The following NKAIN2 variants were observed in gnomAD, a reference collection of about 807,000 sequenced individuals.
NKAIN2 encodes sodium/potassium-transporting ATPase subunit beta-1-interacting protein 2.
In NKAIN2, 14 loss-of-function variants were observed where a neutral mutation model predicts 32.6. The observed-to-expected ratio is 0.43, with a 90% confidence interval of 0.28 to 0.67. NKAIN2 has a LOEUF of 0.67. NKAIN2 is among the 30% of genes least tolerant of loss of function. NKAIN2 has a pLI of 0.17. For missense variants in NKAIN2, 198 were observed against 258.3 expected (o/e 0.77, Z 1.60); for synonymous variants, 80 against 87.2 (o/e 0.92, Z 0.46).
chr6:123,914,237 CAGACAGAGAGACAG>C (rs997300684), intron 1 of NKAIN2, among the ~76,000 whole-genome samples: 19 of 151,082 alleles, frequency 1.3e-4, no homozygotes, highest in Non-Finnish European at 2.5e-4. Flanking sequence ...GACAGACAGA[CAGACAGAGAGACAG>C]AGACAGAGAC....
chr6:124,644,223 GAATA>G (rs1306105294), intron 3 of NKAIN2, among the ~76,000 whole-genome samples: 1 of 151,976 alleles, frequency 6.6e-6, no homozygotes, highest in Non-Finnish European at 1.5e-5. Flanking sequence ...TAGGAGAGAT[GAATA>G]AATAAATTAA....
At chr6:123,845,099 T>C (rs149688166) in intron 1 of NKAIN2, among the ~76,000 whole-genome samples, 51 of 152,320 alleles carry the variant, frequency 3.3e-4, no homozygotes, top group African/African-American at 1.2e-3. Context: ...TTGAGACAAA[T>C]AGATGTTGAA....
chr6:124,308,161 G>A (rs1362188924), intron 2 of NKAIN2, among the ~76,000 whole-genome samples: 1 of 151,040 alleles, frequency 6.6e-6, no homozygotes, highest in Non-Finnish European at 1.5e-5. Flanking sequence ...CCCGCAGCAG[G>A]CCCCAGTGCC....
At chr6:123,986,654 G>A (rs183976226) in intron 1 of NKAIN2, among the ~76,000 whole-genome samples, 77 of 152,168 alleles carry the variant, frequency 5.1e-4, no homozygotes, top group Admixed American at 1.4e-3. Flanking sequence ...ATTACCGCTG[G>A]CATTAGGACC....
intron 3 of NKAIN2, among the ~76,000 whole-genome samples, chr6:124,542,807 G>T (rs896476719): frequency 2.6e-5 from 4 of 151,956 alleles, no homozygotes; most frequent in African/African-American, 9.7e-5. Flanking sequence ...ACTAAAATTT[G>T]CACGTTCAGT....
At chr6:123,839,410 A>G (rs113670931) in intron 1 of NKAIN2, among the ~76,000 whole-genome samples, 1,617 of 152,274 alleles carry the variant, frequency 0.011, 31 homozygotes, top group African/African-American at 0.037. Flanking sequence ...TGATTAGCAG[A>G]CAATCTTTAG....
At chr6:124,505,468 G>A (rs553524428) in intron 3 of NKAIN2, among the ~76,000 whole-genome samples, 1 of 152,252 alleles carries the variant, frequency 6.6e-6, no homozygotes, top group East Asian at 1.9e-4. Context: ...ATTTCCATTC[G>A]TAACTGTGGC....
At chr6:124,358,671 G>A (rs374003021) in intron 3 of NKAIN2, among the ~76,000 whole-genome samples, 3 of 151,874 alleles carry the variant, frequency 2.0e-5, no homozygotes, top group African/African-American at 4.8e-5. Flanking sequence ...TCTGGATATT[G>A]GCCCTTTGTC....
At chr6:124,513,309 C>A (rs1778787684) in intron 3 of NKAIN2, among the ~76,000 whole-genome samples, 1 of 152,066 alleles carries the variant, frequency 6.6e-6, no homozygotes, top group South Asian at 2.1e-4. Flanking sequence ...AAGGCGGGTT[C>A]TCTTGAATTT....
intron 1 of NKAIN2, among the ~76,000 whole-genome samples, chr6:124,224,293 G>T (rs1791994938): frequency 1.3e-5 from 2 of 151,982 alleles, no homozygotes; most frequent in African/African-American, 4.8e-5. Flanking sequence ...ACTATGATTT[G>T]GTATAATTAT....
chr6:124,257,729 G>T (rs1316500330), intron 1 of NKAIN2, among the ~76,000 whole-genome samples: 1 of 151,384 alleles, frequency 6.6e-6, no homozygotes, highest in Non-Finnish European at 1.5e-5. Context: ...CTTGTGGCCA[G>T]CACTCCTCTA....
chr6:124,159,120 T>C (rs560369351), intron 1 of NKAIN2, among the ~76,000 whole-genome samples: 1 of 152,322 alleles, frequency 6.6e-6, no homozygotes, highest in East Asian at 1.9e-4. Flanking sequence ...TATTTGTTTC[T>C]CTATACATTT....
intron 3 of NKAIN2, among the ~76,000 whole-genome samples, chr6:124,645,442 T>G (rs1784134566): frequency 6.6e-6 from 1 of 152,160 alleles, no homozygotes; most frequent in African/African-American, 2.4e-5. Context: ...AAATTAAAAT[T>G]TGCATACTGA....
At chr6:124,495,415 C>A (rs1329457578) in intron 3 of NKAIN2, among the ~76,000 whole-genome samples, 1 of 151,378 alleles carries the variant, frequency 6.6e-6, no homozygotes, top group African/African-American at 2.4e-5. Context: ...TTATGTTTTC[C>A]CTTGACCATC....
chr6:124,347,654 C>G (rs377126408), intron 2 of NKAIN2, among the ~76,000 whole-genome samples: 1 of 152,128 alleles, frequency 6.6e-6, no homozygotes, highest in Non-Finnish European at 1.5e-5. Context: ...GCATTCTTCA[C>G]GTAGTTCTCG....
intron 3 of NKAIN2, among the ~76,000 whole-genome samples, chr6:124,374,032 A>G (rs1407525): frequency 0.69 from 105,524 of 151,946 alleles, 36,742 homozygotes; most frequent in Admixed American, 0.74. Context: ...TGGAAGCAAC[A>G]TAGTGAGACG....
At chr6:124,265,199 T>C (rs1365471907) in intron 1 of NKAIN2, among the ~76,000 whole-genome samples, 1 of 152,158 alleles carries the variant, frequency 6.6e-6, no homozygotes, top group Non-Finnish European at 1.5e-5. Flanking sequence ...GAAAGATACA[T>C]GCTTTCTTTA....
intron 1 of NKAIN2, among the ~76,000 whole-genome samples, chr6:124,236,661 A>C (rs1792780736): frequency 6.6e-6 from 1 of 152,282 alleles, no homozygotes; most frequent in East Asian, 1.9e-4. Flanking sequence ...AAATATCCAG[A>C]TTCCTTGGTT....
At chr6:123,906,822 ACAT>A (rs1461569652) in intron 1 of NKAIN2, among the ~76,000 whole-genome samples, 1 of 152,162 alleles carries the variant, frequency 6.6e-6, no homozygotes, top group Non-Finnish European at 1.5e-5. Flanking sequence ...TCATTTATAA[ACAT>A]CATTCAGATT....
Sources: allele counts gnomAD v4.1 joint callset (sites outside exome capture counted in the v4.1 genomes callset), GRCh38; gene constraint gnomAD v4.1.1; transcripts MANE v1.5; gene names NCBI Gene and HGNC (gene_info 2026-07-23, HGNC 2026-07-21).